Variants in XRCC1 observed in about 807,000 individuals in gnomAD.
XRCC1 encodes X-ray repair cross complementing 1.
XRCC1 carries 52 observed loss-of-function variants against 83.3 expected under a neutral mutation model. The ratio of observed to expected loss-of-function variants is 0.62; its 90% CI spans 0.50 to 0.79. The LOEUF (loss-of-function observed/expected upper bound fraction) is 0.79. Among genes scored for constraint, XRCC1 ranks in the 30% least tolerant of loss-of-function variants. XRCC1 has a pLI of 0.00. For missense variants in XRCC1, 793 were observed against 823.5 expected (o/e 0.96, Z 0.45); for synonymous variants, 281 against 312.6 (o/e 0.90, Z 1.07).
At chr19:43,548,184 C>T (rs924481129) in intron 10 of XRCC1, among the ~76,000 whole-genome samples, 4 of 150,986 alleles carry the variant, frequency 2.6e-5, no homozygotes, top group East Asian at 2.0e-4. Flanking sequence ...GCCGCCGCCC[C>T]GTCCGGGAGG....
At chr19:43,565,418 G>T (rs190814307) in intron 2 of XRCC1, among the ~76,000 whole-genome samples, 90 of 152,286 alleles carry the variant, frequency 5.9e-4, no homozygotes, top group African/African-American at 2.1e-3. Flanking sequence ...TACTTCGGAC[G>T]CAACTGCCTG....
chr19:43,548,766 CAAA>C lies in XRCC1; in HGVS notation c.1200-1792_1200-1790del, dbSNP rs60740505. Among the ~76,000 whole-genome samples, 127 of 64,594 alleles carry C rather than the reference CAAA, an allele frequency of 2.0e-3. 1 individual carries two copies. The highest frequency in any genetic ancestry group is 7.2e-3 in the African/African-American group (124 of 17,108). The allele number at this position is 64,594 out of a possible 152,430, so 42.4% of individuals were successfully genotyped here. A position where few individuals can be genotyped will look rare whatever the true frequency, so the allele number is the denominator to read the frequency against. On this transcript the variant is annotated intron_variant, in intron 10 of 16. Transcript: ENST00000262887. ...TCTGTGAGAAACACCCAAGAATGATCAAAAAAAAAAAAAAAAAAAACACAACAG... is the reference window on the plus strand; with the variant it reads ...TCTGTGAGAAACACCCAAGAATGATCAAAAAAAAAAAAAAAAACACAACAG...
Position 43,546,996 on chromosome 19 carries a change from C to T in XRCC1, c.1200-19G>A, listed in dbSNP as rs750248968. On this transcript the variant is annotated intron_variant, in intron 10 of 16. Coordinates refer to ENST00000262887, the MANE Select transcript of XRCC1 (RefSeq NM_006297.3). The stretch of plus-strand genomic sequence containing the variant: ...GAGGTACCTAGGGGACAAATCGGGC[C>T]TCAGACAAACAGGCCCAAGGGAAGT... The T allele has an allele frequency of 1.2e-6, 2 of 1,612,012 alleles. No individual in the cohort carries two copies. The highest frequency in any genetic ancestry group is 1.7e-6 in the Non-Finnish European group (2 of 1,178,934).
At chr19:43,568,579 ACT>A (rs945723870) in intron 2 of XRCC1, among the ~76,000 whole-genome samples, 12 of 151,772 alleles carry the variant, frequency 7.9e-5, no homozygotes, top group African/African-American at 2.4e-4. Context: ...TCCAAAATAC[ACT>A]GTTACTTGAA....
At chr19:43,543,736 C>T (rs754529735) in intron 15 of XRCC1, 49 bp from the exon 16 acceptor site, 2 of 1,567,364 alleles carry the variant, frequency 1.3e-6, no homozygotes, top group East Asian at 2.2e-5. Flanking sequence ...GGAATCAGCA[C>T]TGACGTCCTA....
intron 10 of XRCC1, among the ~76,000 whole-genome samples, chr19:43,548,423 T>C (rs1972540381): frequency 1.3e-5 from 2 of 152,260 alleles, no homozygotes; most frequent in Non-Finnish European, 2.9e-5. Context: ...TTTTGTTCTG[T>C]ACTAAGAAAA....
In XRCC1 at chr19:43,546,604, C is replaced by T; in HGVS notation, c.1417G>A (p.Val473Ile). Residue 473 changes from valine (V) to isoleucine (I), a missense_variant, in exon 12 of 17, where the codon GTA (valine) becomes ATA (isoleucine). Coordinates refer to ENST00000262887, the MANE Select transcript of XRCC1 (RefSeq NM_006297.3). ...VLQEDIDIEGVQSEGQDNGAE... is the reference protein window; with the variant it reads ...VLQEDIDIEGIQSEGQDNGAE... ...TCCCTCAGAGTCTGACCTGACTGTA[C>T]CCCCTCAATGTCTATATCTTCCTGG... The T allele has an allele frequency of 1.9e-6, 3 of 1,608,892 alleles. No homozygotes were observed. The highest frequency in any genetic ancestry group is 1.1e-5 in the South Asian group (1 of 90,354).
intron 2 of XRCC1, among the ~76,000 whole-genome samples, chr19:43,570,460 T>C (rs1297804305): frequency 1.3e-5 from 2 of 152,084 alleles, no homozygotes; most frequent in African/African-American, 4.8e-5. Context: ...ATAACAATAA[T>C]TAGAGGAGAA....
At chr19:43,554,615 G>T (rs1332868832) in intron 4 of XRCC1, 31 bp downstream of exon 4, 3 of 1,588,856 alleles carry the variant, frequency 1.9e-6, no homozygotes, top group Non-Finnish European at 2.6e-6. Context: ...CAGGACCAAG[G>T]ACTCTGCACC....
At chr19:43,574,394 T>A (rs1045503728) in intron 2 of XRCC1, 1 of 152,074 alleles carries the variant, frequency 6.6e-6, no homozygotes, top group African/African-American at 2.4e-5. Context: ...TTAAAAAAAA[T>A]TATTTATTTT....
intron 3 of XRCC1, 145 bp from the exon 4 acceptor site, chr19:43,554,949 C>G: frequency 1.2e-6 from 1 of 868,084 alleles, no homozygotes; most frequent in East Asian, 2.8e-5. Flanking sequence ...TCTCCAGACC[C>G]TTTGTTTCTA....
chr19:43,557,872 T>C (rs1972655783), intron 3 of XRCC1, among the ~76,000 whole-genome samples: 1 of 148,920 alleles, frequency 6.7e-6, no homozygotes, highest in South Asian at 2.2e-4. Flanking sequence ...AAGGCTCCTG[T>C]GACTTTGGGT....
At chr19:43,559,915 A>G (rs1388621486) in intron 3 of XRCC1, among the ~76,000 whole-genome samples, 1 of 151,930 alleles carries the variant, frequency 6.6e-6, no homozygotes, top group Non-Finnish European at 1.5e-5. Flanking sequence ...CCCTCTCTCT[A>G]TAAAAAATAA....
intron 3 of XRCC1, among the ~76,000 whole-genome samples, chr19:43,556,212 C>T (rs1972634184): frequency 6.6e-6 from 1 of 152,134 alleles, no homozygotes; most frequent in African/African-American, 2.4e-5. Flanking sequence ...AAGGGTTATG[C>T]ACGTGGTGGT....
At chr19:43,557,730 T>G (rs1239615082) in intron 3 of XRCC1, among the ~76,000 whole-genome samples, 1 of 139,438 alleles carries the variant, frequency 7.2e-6, no homozygotes, top group African/African-American at 2.7e-5. Context: ...AGGCGGAGGT[T>G]GCAGTGAACC....
chr19:43,544,223 C>T lies in XRCC1; in HGVS notation c.1633G>A (p.Gly545Ser), dbSNP rs2146040385. 1 of 1,609,304 alleles carries T rather than the reference C, an allele frequency of 6.2e-7. No homozygotes were observed. Among genetic ancestry groups the T allele is most frequent in the South Asian group, 1.1e-5 (1 of 89,914 alleles). ...PVPELPDFFQ[G>S]KHFFLYGEFP... The stretch of plus-strand genomic sequence containing the variant: ...TCCCCGTAAAGAAAGAAGTGCTTGC[C>T]CTGGAAGAAATCTGCAGGAGAGAAG... The change falls in exon 15 of 17, where the codon GGC (glycine) becomes AGC (serine). Residue 545 changes from glycine (G) to serine (S), a missense_variant. Transcript: ENST00000262887.
At position 43,551,770 on chromosome 19, in the gene XRCC1, G is replaced by A. The variant is rs1021218112; in HGVS notation, c.1083-83C>T. On this transcript the variant is annotated intron_variant, in intron 9 of 16. Coordinates refer to ENST00000262887, the MANE Select transcript of XRCC1 (RefSeq NM_006297.3). ...ACGAGACAGGGGAGACAGACAGAGA[G>A]AGAGAGAGACAGACAGACAGACAGA... 5 of 1,154,670 alleles carry A rather than the reference G, an allele frequency of 4.3e-6. No individual in the cohort carries two copies. The African/African-American group carries it at 7.6e-5, about 17-fold the overall frequency. 71.5% of individuals were successfully genotyped at this position (1,154,670 alleles called of 1,614,324 possible).
chr19:43,551,990 G>A (rs752778917), intron 9 of XRCC1, 27 bp downstream of exon 9: 4 of 1,610,084 alleles, frequency 2.5e-6, no homozygotes, highest in East Asian at 2.2e-5. Context: ...AAACTGCAGC[G>A]GCGCAGGGAG....
chr19:43,543,659 C>T lies in XRCC1; in HGVS notation c.1741G>A (p.Val581Ile). 1 of 1,613,936 alleles carries T rather than the reference C, an allele frequency of 6.2e-7. No individual in the cohort carries two copies. The highest frequency in any genetic ancestry group is 8.5e-7 in the Non-Finnish European group (1 of 1,180,006). ...TCCTGTGCTGTGATCACAAACTGAA[C>T]CCGGTCACTCATATAGTCCTCGAGC... The part of the protein sequence containing the change: ...GELEDYMSDR[V>I]QFVITAQEWD... Residue 581 changes from valine (V) to isoleucine (I), a missense_variant, in exon 16 of 17, where the codon GTT becomes ATT. Physicochemically the swap from Val to Ile is conservative, Grantham distance 29. Transcript: ENST00000262887.
Sources: gnomAD v4.1 joint callset for allele counts (sites outside exome capture counted in the v4.1 genomes callset) on GRCh38, gnomAD v4.1.1 for gene constraint, MANE v1.5 for transcripts, NCBI Gene and HGNC (gene_info 2026-07-23, HGNC 2026-07-21) for gene names.